The following CCDC88A variants were observed in gnomAD, a reference collection of about 807,000 sequenced individuals.
The protein encoded by CCDC88A is girdin.
In CCDC88A, 54 loss-of-function variants were observed where a neutral mutation model predicts 234.3. The observed-to-expected ratio is 0.23, with a 90% CI of 0.19 to 0.29. The LOEUF is 0.29. CCDC88A is among the 10% of genes least tolerant of loss of function. The probability of loss-of-function intolerance (pLI) is 1.00; values close to 1 mark genes in which losing one functional copy is unlikely to be tolerated. For missense variants in CCDC88A, 1,832 were observed against 2,123.4 expected (o/e 0.86, Z 2.70); for synonymous variants, 753 against 737.8 (o/e 1.02, Z -0.33).
At chr2:55,359,569 T>A (rs914824050) in intron 7 of CCDC88A, among the ~76,000 whole-genome samples, 6 of 151,050 alleles carry the variant, frequency 4.0e-5, no homozygotes, top group Middle Eastern at 3.4e-3. Flanking sequence ...GAATTTCGTA[T>A]GCCCCCCCAT....
chr2:55,400,517 G>A (rs1327658670), intron 2 of CCDC88A, among the ~76,000 whole-genome samples: 3 of 152,160 alleles, frequency 2.0e-5, no homozygotes, highest in Admixed American at 6.5e-5. Context: ...CTTATGACAA[G>A]TTGCATTAAT....
At chr2:55,391,995 A>T (rs55908714) in intron 2 of CCDC88A, among the ~76,000 whole-genome samples, 1 of 151,996 alleles carries the variant, frequency 6.6e-6, no homozygotes, top group South Asian at 2.1e-4. Context: ...ACATTTTAGA[A>T]GGGTTGCAGG....
intron 7 of CCDC88A, 137 bp downstream of exon 7, chr2:55,362,171 C>T (rs1671408063): frequency 1.7e-6 from 1 of 603,384 alleles, no homozygotes; most frequent in Non-Finnish European, 2.7e-6. Flanking sequence ...TTTCAGGTTC[C>T]TGTGTTCCAC....
At position 55,296,540 on chromosome 2, in the gene CCDC88A, G is replaced by C; in HGVS notation, c.4826-17C>G. The C allele has an allele frequency of 6.2e-7, 1 of 1,606,668 alleles. No homozygotes were observed. The highest frequency in any genetic ancestry group is 1.1e-5 in the South Asian group (1 of 89,870). ...CTGCACCTGCTTTTGGAGTAAATGG[G>C]GTGTTGAGATTTCAATAATAGAATT... On this transcript the variant is annotated splice_polypyrimidine_tract_variant and intron_variant, in intron 29 of 32. Transcript: ENST00000436346.
rs937731682 is a variant in CCDC88A at position 55,310,902 on chromosome 2, T to C, written c.4079+1532A>G. Among the ~76,000 whole-genome samples, 17 of 152,324 alleles carry C rather than the reference T, an allele frequency of 1.1e-4. 1 individual carries two copies. Among genetic ancestry groups the C allele is most frequent in the African/African-American group, 4.1e-4 (17 of 41,586 alleles). ...TCATTAAGAACCTCCAAAATCTCAA[T>C]ACTACCTGTCCACTGCCATCCTGCT... is the stretch of plus-strand genomic sequence containing the variant. On this transcript the variant is annotated intron_variant, in intron 23 of 32. Transcript: ENST00000436346.
In CCDC88A at chr2:55,309,132, T is replaced by G; in HGVS notation, c.4172+30A>C. The G allele has an allele frequency of 1.4e-6, 2 of 1,448,828 alleles. No individual in the cohort carries two copies. The highest frequency in any genetic ancestry group is 1.9e-6 in the Non-Finnish European group (2 of 1,041,360). 89.7% of individuals were successfully genotyped at this position (1,448,828 alleles called of 1,614,324 possible). A position where few individuals can be genotyped will look rare whatever the true frequency, so the allele number is the denominator to read the frequency against. On this transcript the variant is annotated intron_variant, in intron 24 of 32. Transcript: ENST00000436346. This position sits in a 1 kb window ranked among gnomAD's most constrained non-coding sequence, Gnocchi z 5.1. ...AATAACCTAGTGTTTTTTTTCAGAA[T>G]AAGAATTCATAAAATTTGGTTAATG... is the stretch of plus-strand genomic sequence containing the variant.
intron 5 of CCDC88A, among the ~76,000 whole-genome samples, chr2:55,367,407 T>C (rs1039054149): frequency 1.3e-5 from 2 of 152,142 alleles, no homozygotes; most frequent in South Asian, 2.1e-4. Flanking sequence ...ATGGTAAATT[T>C]CCTATTATGT....
chr2:55,342,582 T>A (rs1668644482), intron 12 of CCDC88A, among the ~76,000 whole-genome samples: 1 of 152,148 alleles, frequency 6.6e-6, no homozygotes, highest in South Asian at 2.1e-4. Context: ...TGTAACTCAA[T>A]TCACAAGGAA....
chr2:55,402,407 A>T (rs1239841789), intron 2 of CCDC88A, among the ~76,000 whole-genome samples: 2 of 152,186 alleles, frequency 1.3e-5, no homozygotes, highest in Non-Finnish European at 2.9e-5. Context: ...ACAAGTATGT[A>T]ATTAGAAAAA....
chr2:55,353,580 T>C (rs896529004), intron 8 of CCDC88A, among the ~76,000 whole-genome samples: 6 of 150,338 alleles, frequency 4.0e-5, no homozygotes, highest in African/African-American at 1.5e-4. Flanking sequence ...AGTAAATAAA[T>C]TTAATTGCTA....
chr2:55,362,608 T>C (rs996793207), intron 6 of CCDC88A, among the ~76,000 whole-genome samples, 160 bp from the exon 7 acceptor site: 6 of 151,974 alleles, frequency 3.9e-5, no homozygotes, highest in Non-Finnish European at 5.9e-5. Flanking sequence ...ATAAAAACAC[T>C]ACAAATAAAA....
At chr2:55,395,219 C>T (rs1677328112) in intron 2 of CCDC88A, among the ~76,000 whole-genome samples, 1 of 152,160 alleles carries the variant, frequency 6.6e-6, no homozygotes, top group Non-Finnish European at 1.5e-5. Context: ...CTCAAGTGAT[C>T]CTCCTGCCTC....
At chr2:55,387,883 A>G (rs1021296012) in intron 3 of CCDC88A, among the ~76,000 whole-genome samples, 1 of 152,154 alleles carries the variant, frequency 6.6e-6, no homozygotes, top group African/African-American at 2.4e-5. Flanking sequence ...AACAATTTTA[A>G]ATTTATTTGC....
chr2:55,288,800 G>A lies in CCDC88A; in HGVS notation c.*2400C>T, dbSNP rs1199802571. On this transcript the variant is annotated 3_prime_UTR_variant, in exon 33 of 33. Coordinates refer to ENST00000436346, the MANE Select transcript of CCDC88A (RefSeq NM_001365480.1). The stretch of plus-strand genomic sequence containing the variant: ...ATAATTTAAAGCATGTCAGGCCCCG[G>A]TTAGGAAAATGAAAATGGCTCCGAT... 1.3e-5 allele frequency: 2 copies of A among 152,162 alleles called. No individual in the cohort carries two copies. The highest frequency in any genetic ancestry group is 2.9e-5 in the Non-Finnish European group (2 of 68,006). The allele number at this position is 152,162 out of a possible 1,614,324, so 9.4% of individuals were successfully genotyped here.
chr2:55,304,685 T>C (rs1024136727), intron 25 of CCDC88A, among the ~76,000 whole-genome samples: 1 of 152,158 alleles, frequency 6.6e-6, no homozygotes, highest in African/African-American at 2.4e-5. Flanking sequence ...AAGTTAGGAT[T>C]ATCACTAAAA....
intron 32 of CCDC88A, chr2:55,291,458 CA>C (rs1043582286): frequency 6.2e-6 from 2 of 325,066 alleles, no homozygotes; most frequent in Non-Finnish European, 1.1e-5. Flanking sequence ...TTTAAAGTGA[CA>C]AAAAAACTTA....
At chr2:55,390,949 G>A (rs976093234) in intron 2 of CCDC88A, among the ~76,000 whole-genome samples, 1 of 152,170 alleles carries the variant, frequency 6.6e-6, no homozygotes, top group Non-Finnish European at 1.5e-5. Context: ...AGACCAGCCT[G>A]GGCAATATGG....
rs745306864 is a variant in CCDC88A, at chr2:55,335,216, T to G, written c.1657-52A>C. ...GCTGTAATTGAGGAAAAACTAACTA[T>G]GGTTTATCTCTTCCAAAAACTACCA... On this transcript the variant is annotated intron_variant, in intron 14 of 32. Coordinates refer to ENST00000436346, the MANE Select transcript of CCDC88A (RefSeq NM_001365480.1). This position sits in a 1 kb window ranked among gnomAD's most constrained non-coding sequence, Gnocchi z 4.5. 2 of 1,173,788 alleles carry G rather than the reference T, an allele frequency of 1.7e-6. No individual in the cohort carries two copies. Among genetic ancestry groups the G allele is most frequent in the South Asian group, 2.1e-5 (1 of 48,748 alleles). The allele number at this position is 1,173,788 out of a possible 1,614,324, so 72.7% of individuals were successfully genotyped here.
intron 3 of CCDC88A, among the ~76,000 whole-genome samples, chr2:55,381,190 T>G (rs892088180): frequency 2.0e-5 from 3 of 152,304 alleles, no homozygotes; most frequent in African/African-American, 7.2e-5. Context: ...TAGTAGACTA[T>G]ATCATCTACA....
Sources: gnomAD v4.1 joint callset for allele counts (sites outside exome capture counted in the v4.1 genomes callset) on GRCh38, gnomAD v4.1.1 for gene constraint, Gnocchi (gnomAD v3.1) non-coding constraint, MANE v1.5 for transcripts, NCBI Gene and HGNC (gene_info 2026-07-23, HGNC 2026-07-21) for gene names.